ASIP: variants seen among roughly 807,000 people sequenced by gnomAD.
ASIP encodes the protein agouti signaling protein, also known as agouti-signaling protein.
Under a neutral mutation model 10.3 loss-of-function variants are expected in ASIP, and 11 were observed. The ratio of observed to expected loss-of-function variants is 1.07; its 90% confidence interval spans 0.68 to 1.78. The LOEUF (loss-of-function observed/expected upper bound fraction) is 1.78, where lower values mean the gene tolerates loss of function less well. Ranked by LOEUF, ASIP falls within the 40% of genes most tolerant of loss-of-function variation. The pLI, the probability that ASIP is intolerant of heterozygous loss-of-function variation, is 0.00. For missense variants in ASIP, 180 were observed against 169.2 expected, an observed-to-expected ratio of 1.06 and a Z score of -0.35; for synonymous variants, 70 against 70.8, an observed-to-expected ratio of 0.99 and a Z score of 0.06.
intron 1 of ASIP, among the ~76,000 whole-genome samples, chr20:34,217,289 T>G (rs2035015093): frequency 6.6e-6 from 1 of 151,620 alleles, no homozygotes; most frequent in Non-Finnish European, 1.5e-5. Flanking sequence ...AGTACAAAAA[T>G]TAACCGGGCG....
chr20:34,245,847 T>A (rs549231697), intron 1 of ASIP: 385 of 782,608 alleles, frequency 4.9e-4, no homozygotes, highest in Non-Finnish European at 6.1e-4. Flanking sequence ...GTAGAATATA[T>A]ATATATTCTA....
rs748918391 is a variant in ASIP, at chr20:34,260,475, G to A, written c.101G>A (p.Arg34Lys). The A allele has an allele frequency of 3.1e-6, 5 of 1,614,088 alleles. No individual in the cohort carries two copies. The highest frequency in any genetic ancestry group is 4.2e-6 in the Non-Finnish European group (5 of 1,179,990). The change falls in exon 2 of 4, where the codon AGG becomes AAG. Residue 34 changes from arginine (R) to lysine (K), a missense_variant. Coordinates refer to ENST00000374954, the MANE Select transcript of ASIP (RefSeq NM_001672.3). ...CCTGAGGAGAAGCTCCGAGATGACA[G>A]GAGCCTGAGAAGCAACTCCTCTGTG... ...LPPEEKLRDD[R>K]SLRSNSSVNL... is the part of the protein sequence containing the mutation.
At chr20:34,262,959 C>G (rs2035721391) in intron 3 of ASIP, 66 bp downstream of exon 3, 1 of 1,568,184 alleles carries the variant, frequency 6.4e-7, no homozygotes, top group Non-Finnish European at 8.8e-7. Context: ...GAAGGAGGAC[C>G]CCCAACCTCT....
intron 1 of ASIP, among the ~76,000 whole-genome samples, chr20:34,233,803 G>C (rs183054875): frequency 5.9e-5 from 9 of 152,276 alleles, no homozygotes; most frequent in East Asian, 1.9e-4. Context: ...TGGCTGATCA[G>C]ACTAGAACAG....
At chr20:34,221,760 G>A (rs1490107531) in intron 1 of ASIP, among the ~76,000 whole-genome samples, 1 of 152,190 alleles carries the variant, frequency 6.6e-6, no homozygotes, top group Non-Finnish European at 1.5e-5. Context: ...TTCTGGCAGT[G>A]AAGGTCTCTA....
At chr20:34,264,668 T>C (rs1378738365) in intron 3 of ASIP, among the ~76,000 whole-genome samples, 1 of 152,210 alleles carries the variant, frequency 6.6e-6, no homozygotes, top group East Asian at 1.9e-4. Context: ...GAAGTAAACT[T>C]ACGGTATCAA....
chr20:34,201,467 T>C (rs1447865726), intron 1 of ASIP, among the ~76,000 whole-genome samples: 2 of 152,216 alleles, frequency 1.3e-5, no homozygotes, highest in African/African-American at 4.8e-5. Flanking sequence ...TCACAGATAA[T>C]GAGACCTTAA....
rs200067339 is a variant in ASIP at position 34,245,863 on chromosome 20, A to AAT, written c.-11+4385_-11+4386dup. 354 of 822,480 alleles carry AAT rather than the reference A, an allele frequency of 4.3e-4. No individual in the cohort carries two copies. The East Asian group carries it at 9.9e-3, about 23-fold the overall frequency. The allele number at this position is 822,480 out of a possible 1,614,324, so 50.9% of individuals were successfully genotyped here. A position where few individuals can be genotyped will look rare whatever the true frequency, so the allele number is the denominator to read the frequency against. On this transcript the variant is annotated intron_variant, in intron 1 of 3. Coordinates refer to ENST00000374954, the MANE Select transcript of ASIP (RefSeq NM_001672.3). ...TAGAATATATATATATTCTACAGTA[A>AAT]ATATATATATATGTATATATAAAGG...
At chr20:34,226,663 A>G (rs894730932) in intron 1 of ASIP, among the ~76,000 whole-genome samples, 7 of 152,106 alleles carry the variant, frequency 4.6e-5, no homozygotes, top group African/African-American at 1.7e-4. Context: ...CTGATTTTTT[A>G]AAAAGTCTTA....
chr20:34,191,730 C>CTTTTT (rs58407816), upstream of ASIP, among the ~76,000 whole-genome samples: 11 of 125,166 alleles, frequency 8.8e-5, no homozygotes, highest in African/African-American at 3.3e-4. Context: ...CTCTCTCTCT[C>CTTTTT]TTTTTTTTTT....
At chr20:34,189,169 C>G in the ASIP span, among the ~76,000 whole-genome samples, 1 of 152,110 alleles carries the variant, frequency 6.6e-6, no homozygotes, top group Non-Finnish European at 1.5e-5. Context: ...AAACCTCAAG[C>G]AATAAGGAGC....
At chr20:34,196,318 C>G (rs576431960) in intron 1 of ASIP, among the ~76,000 whole-genome samples, 3 of 151,296 alleles carry the variant, frequency 2.0e-5, no homozygotes, top group East Asian at 3.9e-4. Context: ...TAGCTACAGG[C>G]GCCCGCCACC....
At chr20:34,214,580 C>T in intron 1 of ASIP, 3 of 1,410,298 alleles carry the variant, frequency 2.1e-6, no homozygotes, top group African/African-American at 2.7e-5. Flanking sequence ...GAACTAAAAA[C>T]TCTGCGAACA....
At chr20:34,259,018 T>C in intron 1 of ASIP, among the ~76,000 whole-genome samples, 1 of 147,324 alleles carries the variant, frequency 6.8e-6, no homozygotes, top group South Asian at 2.1e-4. Flanking sequence ...ACCTGGGTAA[T>C]AGAGTGAGCC....
chr20:34,187,313 G>A, the ASIP span, among the ~76,000 whole-genome samples: 9 of 152,280 alleles, frequency 5.9e-5, no homozygotes, highest in Admixed American at 5.9e-4. Context: ...GATTCTCGGG[G>A]CAGAATTCTG....
At chr20:34,202,081 A>C (rs2034903539) in intron 1 of ASIP, among the ~76,000 whole-genome samples, 1 of 140,894 alleles carries the variant, frequency 7.1e-6, no homozygotes, top group Non-Finnish European at 1.5e-5. Flanking sequence ...TAAAATTGTA[A>C]AAAAAAAAAA....
At chr20:34,258,525 G>C (rs899221720) in intron 1 of ASIP, among the ~76,000 whole-genome samples, 1 of 148,080 alleles carries the variant, frequency 6.8e-6, no homozygotes, top group Non-Finnish European at 1.5e-5. Flanking sequence ...TAAGCACTGC[G>C]ATCAGTGGGA....
At chr20:34,200,598 G>A (rs1183245702) in intron 1 of ASIP, among the ~76,000 whole-genome samples, 1 of 152,244 alleles carries the variant, frequency 6.6e-6, no homozygotes, top group East Asian at 1.9e-4. Flanking sequence ...CGTTGGATGA[G>A]CCAGGGAAAT....
chr20:34,239,987 T>C (rs1946084722), upstream of ASIP, among the ~76,000 whole-genome samples: 1 of 152,214 alleles, frequency 6.6e-6, no homozygotes, highest in Non-Finnish European at 1.5e-5. Flanking sequence ...TTTAAAGCAT[T>C]CTATTTTGGA....
Sources: allele counts gnomAD v4.1 joint callset (sites outside exome capture counted in the v4.1 genomes callset), GRCh38; gene constraint gnomAD v4.1.1; transcripts MANE v1.5; gene names NCBI Gene and HGNC (gene_info 2026-07-23, HGNC 2026-07-21).